IMMP1L: variants seen among roughly 807,000 people sequenced by gnomAD.
The protein encoded by IMMP1L is inner mitochondrial membrane peptidase subunit 1.
IMMP1L carries 24 observed loss-of-function variants against 21.8 expected under a neutral mutation model. That is an observed-to-expected ratio of 1.10 (90% CI 0.80 to 1.55). IMMP1L has a LOEUF of 1.55. Ranked by LOEUF, IMMP1L falls within the 40% of genes most tolerant of loss-of-function variation. The pLI is 0.00. For synonymous variants in IMMP1L, 46 were observed against 62.8 expected, an observed-to-expected ratio of 0.73 and a Z score of 1.26; for missense variants, 195 against 200.7, an observed-to-expected ratio of 0.97 and a Z score of 0.17.
Position 31,463,307 on chromosome 11 carries a change from T to C in IMMP1L, c.-29-2A>G. 6.4e-7 allele frequency: 1 copy of C among 1,568,326 alleles called. No individual in the cohort carries two copies. Among genetic ancestry groups the C allele is most frequent in the Non-Finnish European group, 8.6e-7 (1 of 1,165,186 alleles). ...TATGTAGACTCTGCCACCATTGGCC[T>C]GATGGTAAATTTCAAAAAGTTTCAT... On this transcript the variant is annotated splice_acceptor_variant, in intron 1 of 5. Transcript: ENST00000532287. LOFTEE classifies it low-confidence loss of function (5UTR_SPLICE).
chr11:31,447,162 A>G (rs999544090), intron 4 of IMMP1L, among the ~76,000 whole-genome samples: 4 of 152,222 alleles, frequency 2.6e-5, no homozygotes, highest in African/African-American at 7.2e-5. Context: ...GAATGCACAC[A>G]TCGAAAAAGA....
At chr11:31,460,032 C>T (rs1038693044) in intron 3 of IMMP1L, among the ~76,000 whole-genome samples, 2 of 151,986 alleles carry the variant, frequency 1.3e-5, no homozygotes, top group South Asian at 2.1e-4. Flanking sequence ...CGAGTATACA[C>T]CTGTAGTCAC....
intron 2 of IMMP1L, among the ~76,000 whole-genome samples, chr11:31,461,319 G>A (rs1954131645): frequency 6.6e-6 from 1 of 152,126 alleles, no homozygotes; most frequent in Non-Finnish European, 1.5e-5. Context: ...GGCCAGGCAT[G>A]GTGGCTCACA....
At chr11:31,490,545 T>C (rs1955221179) in intron 1 of IMMP1L, among the ~76,000 whole-genome samples, 1 of 151,910 alleles carries the variant, frequency 6.6e-6, no homozygotes, top group African/African-American at 2.4e-5. Flanking sequence ...AGAAAAGTGA[T>C]TTTCCTGTTC....
At chr11:31,502,063 T>G (rs1955637893) in intron 1 of IMMP1L, among the ~76,000 whole-genome samples, 1 of 151,928 alleles carries the variant, frequency 6.6e-6, no homozygotes, top group South Asian at 2.1e-4. Context: ...GAAATAGATA[T>G]TTTTAAAGTC....
chr11:31,480,579 T>C (rs1004679851), intron 1 of IMMP1L, among the ~76,000 whole-genome samples: 9 of 152,076 alleles, frequency 5.9e-5, no homozygotes, highest in African/African-American at 1.2e-4. Context: ...CATTCCTTTA[T>C]AATATCTATC....
At chr11:31,475,618 C>T (rs573282281) in intron 1 of IMMP1L, among the ~76,000 whole-genome samples, 2 of 152,268 alleles carry the variant, frequency 1.3e-5, no homozygotes, top group African/African-American at 4.8e-5. Context: ...ACTCTCTTAT[C>T]TCCAAAAATA....
chr11:31,478,480 T>C (rs1361781850), intron 1 of IMMP1L, among the ~76,000 whole-genome samples: 1 of 152,148 alleles, frequency 6.6e-6, no homozygotes, highest in Non-Finnish European at 1.5e-5. Context: ...CATAATAAAA[T>C]TAGGAAATCA....
intron 1 of IMMP1L, among the ~76,000 whole-genome samples, chr11:31,464,723 T>C (rs972722485): frequency 6.6e-6 from 1 of 152,082 alleles, no homozygotes; most frequent in Non-Finnish European, 1.5e-5. Flanking sequence ...GAAAAAGCAT[T>C]TGATAAATTT....
chr11:31,500,212 G>GA (rs911671872), intron 1 of IMMP1L, among the ~76,000 whole-genome samples: 6 of 151,920 alleles, frequency 3.9e-5, no homozygotes, highest in African/African-American at 1.2e-4. Flanking sequence ...CAAAGAAAGA[G>GA]AAAACCCACT....
intron 1 of IMMP1L, chr11:31,477,215 C>T (rs940720436): frequency 6.6e-6 from 1 of 152,042 alleles, no homozygotes; most frequent in South Asian, 2.1e-4. Context: ...CAATTCCTTA[C>T]AGCTAGACAT....
chr11:31,452,553 C>A (rs896460964), intron 4 of IMMP1L: 3 of 985,426 alleles, frequency 3.0e-6, no homozygotes, highest in Non-Finnish European at 3.6e-6. Context: ...CTTCAAGCAG[C>A]AAACTGAGGA....
At chr11:31,481,467 C>T (rs1276819827) in intron 1 of IMMP1L, among the ~76,000 whole-genome samples, 1 of 151,924 alleles carries the variant, frequency 6.6e-6, no homozygotes, top group Non-Finnish European at 1.5e-5. Context: ...AATTTCAGCA[C>T]TGTAACGGGA....
In IMMP1L at chr11:31,463,930, A is replaced by G. The variant is rs183929062; in HGVS notation, c.-29-625T>C. Among the ~76,000 whole-genome samples, 472 of 152,252 alleles carry G rather than the reference A, an allele frequency of 3.1e-3. 3 individuals carry two copies. The highest frequency in any genetic ancestry group is 0.011 in the African/African-American group (437 of 41,578). On this transcript the variant is annotated intron_variant, in intron 1 of 5. Transcript: ENST00000532287. The stretch of plus-strand genomic sequence containing the variant: ...CAAAAGGAACACATAAATACTATGA[A>G]ACAACAGCATAAAGAACCATTTAAA...
At chr11:31,459,718 C>T (rs1954072032) in intron 3 of IMMP1L, among the ~76,000 whole-genome samples, 2 of 152,232 alleles carry the variant, frequency 1.3e-5, no homozygotes, top group African/African-American at 2.4e-5. Flanking sequence ...ATTCTCCTGC[C>T]TCAGCCTGCT....
chr11:31,507,622 C>T lies in IMMP1L; in HGVS notation c.-30+1897G>A, dbSNP rs558486897. 6.6e-5 allele frequency among the ~76,000 whole-genome samples: 10 copies of T among 152,232 alleles called. No individual in the cohort carries two copies. In the South Asian group the frequency reaches 1.4e-3, roughly 22 times the overall value. On this transcript the variant is annotated intron_variant, in intron 1 of 5. Coordinates refer to ENST00000532287, the MANE Select transcript of IMMP1L (RefSeq NM_001304274.2). ...TCATAGGTGGAATCTAATAGTTCAT[C>T]GCACAGAGAGTACAATGGTGTTTAC...
intron 1 of IMMP1L, among the ~76,000 whole-genome samples, chr11:31,508,100 A>G (rs954554977): frequency 6.6e-6 from 1 of 152,198 alleles, no homozygotes; most frequent in African/African-American, 2.4e-5. Flanking sequence ...GCAGCAAACC[A>G]CCACAGCACA....
chr11:31,492,715 T>TGAAGTGAATAG (rs1171189527), intron 1 of IMMP1L, among the ~76,000 whole-genome samples: 3 of 152,142 alleles, frequency 2.0e-5, no homozygotes, highest in Non-Finnish European at 1.5e-5. Context: ...AGTGACACAA[T>TGAAGTGAATAG]GAAGTGAATA....
rs142417223 is a variant in IMMP1L at position 31,462,107 on chromosome 11, G to C, written c.105+1065C>G. On this transcript the variant is annotated intron_variant, in intron 2 of 5. Coordinates refer to ENST00000532287, the MANE Select transcript of IMMP1L (RefSeq NM_001304274.2). Reference sequence around the variant, plus strand: ...AGGTAGGCAGATCACCTGAGGCCAGGAGTTCGTGCACAGCCTGGCCAACAT... The same window carrying C: ...AGGTAGGCAGATCACCTGAGGCCAGCAGTTCGTGCACAGCCTGGCCAACAT... Among the ~76,000 whole-genome samples, 769 of 152,218 alleles carry C rather than the reference G, an allele frequency of 5.1e-3. 13 individuals are homozygous for C. Among genetic ancestry groups the C allele is most frequent in the Middle Eastern group, 6.8e-3 (2 of 294 alleles).
Sources: allele counts gnomAD v4.1 joint callset (sites outside exome capture counted in the v4.1 genomes callset), GRCh38; gene constraint gnomAD v4.1.1; transcripts MANE v1.5; gene names NCBI Gene and HGNC (gene_info 2026-07-23, HGNC 2026-07-21).